CASR: variants seen among roughly 807,000 people sequenced by gnomAD.
The protein encoded by CASR is calcium sensing receptor, also known as extracellular calcium-sensing receptor.
In CASR, 23 loss-of-function variants were observed where a neutral mutation model predicts 69.1. The observed-to-expected ratio is 0.33, with a 90% CI of 0.24 to 0.47. The LOEUF (loss-of-function observed/expected upper bound fraction) is 0.47, where lower values mean the gene tolerates loss of function less well. Ranked by LOEUF, CASR falls within the 20% of genes least tolerant of loss-of-function variation. The pLI is 1.00. For synonymous variants in CASR, 541 were observed against 544.7 expected (o/e 0.99, Z 0.10); for missense variants, 924 against 1,356.1 (o/e 0.68, Z 5.00).
Position 122,289,572 on chromosome 3 carries a change from C to CT in CASR, c.*4382dup, listed in dbSNP as rs1450651024. ...AAGTGGTATGAGAAATGGAGAACTG[C>CT]TAGGTGAAGGCCAACAGGGCAGGAA... On this transcript the variant is annotated 3_prime_UTR_variant, in exon 7 of 7. Coordinates refer to ENST00000639785, the MANE Select transcript of CASR (RefSeq NM_000388.4). 6.6e-6 allele frequency: 1 copy of CT among 152,470 alleles called. No individual in the cohort carries two copies. Among genetic ancestry groups the CT allele is most frequent in the African/African-American group, 2.4e-5 (1 of 41,454 alleles). The allele number at this position is 152,470 out of a possible 1,614,324, so 9.4% of individuals were successfully genotyped here.
At chr3:122,242,422 C>T (rs1355388352) in intron 1 of CASR, among the ~76,000 whole-genome samples, 6 of 152,062 alleles carry the variant, frequency 3.9e-5, no homozygotes, top group South Asian at 4.2e-4. Context: ...AAAAAGTAGT[C>T]CCACGTATAA....
intron 1 of CASR, among the ~76,000 whole-genome samples, chr3:122,235,904 G>A (rs9838163): frequency 0.02 from 3,105 of 152,212 alleles, 106 homozygotes; most frequent in African/African-American, 0.071. Flanking sequence ...TATGAAAGAC[G>A]GTCTAGCAAT....
chr3:122,272,659 T>C (rs1028345506), intron 4 of CASR, among the ~76,000 whole-genome samples: 3 of 152,242 alleles, frequency 2.0e-5, no homozygotes, highest in Admixed American at 6.5e-5. Flanking sequence ...ATGTCGTGCA[T>C]TTTATCCCCT....
At chr3:122,269,328 T>C (rs1418904477) in intron 4 of CASR, among the ~76,000 whole-genome samples, 2 of 152,218 alleles carry the variant, frequency 1.3e-5, no homozygotes, top group African/African-American at 4.8e-5. Flanking sequence ...CATTCAGTCT[T>C]TTACCACTGA....
intron 1 of CASR, among the ~76,000 whole-genome samples, chr3:122,213,092 A>G (rs752210105): frequency 6.6e-5 from 10 of 152,240 alleles, no homozygotes; most frequent in Admixed American, 1.3e-4. Context: ...CTAGTGGGAC[A>G]TGCAGATCTC....
Position 122,270,264 on chromosome 3 carries a change from A to G in CASR, c.1378-5548A>G, listed in dbSNP as rs547968826. Among the ~76,000 whole-genome samples the G allele has an allele frequency of 6.6e-5, 10 of 152,310 alleles. No homozygotes were observed. The South Asian group carries it at 2.1e-3, about 32-fold the overall frequency. The stretch of plus-strand genomic sequence containing the variant: ...TTTGTCCACATCGTCTAATTTGCCA[A>G]ATTTACTGGCATAAGTTTATTTATA... On this transcript the variant is annotated intron_variant, in intron 4 of 6. Coordinates refer to ENST00000639785, the MANE Select transcript of CASR (RefSeq NM_000388.4).
intron 1 of CASR, among the ~76,000 whole-genome samples, chr3:122,220,346 T>C (rs2107601492): frequency 6.6e-6 from 1 of 152,342 alleles, no homozygotes; most frequent in East Asian, 1.9e-4. Flanking sequence ...TTTGGCAATT[T>C]ATCCCAACAA....
chr3:122,196,412 G>A (rs1047790317), intron 1 of CASR, among the ~76,000 whole-genome samples: 2 of 152,040 alleles, frequency 1.3e-5, no homozygotes, highest in South Asian at 2.1e-4. Context: ...GATGAAGTAA[G>A]GTGCTGGAAT....
intron 1 of CASR, among the ~76,000 whole-genome samples, chr3:122,221,587 T>C (rs1320585154): frequency 2.0e-5 from 3 of 152,228 alleles, no homozygotes; most frequent in Non-Finnish European, 1.5e-5. Context: ...CCAAACTCAG[T>C]GAATCTTTGG....
intron 1 of CASR, among the ~76,000 whole-genome samples, chr3:122,208,932 T>C (rs1229749900): frequency 6.6e-6 from 1 of 152,214 alleles, no homozygotes; most frequent in Non-Finnish European, 1.5e-5. Context: ...TGTAGTTCAC[T>C]CTCAGTCACT....
At chr3:122,215,761 T>C (rs1189720654) in intron 1 of CASR, among the ~76,000 whole-genome samples, 1 of 152,186 alleles carries the variant, frequency 6.6e-6, no homozygotes, top group Admixed American at 6.5e-5. Flanking sequence ...TGTGACAAGA[T>C]TTTGGTGCCA....
At position 122,288,612 on chromosome 3, in the gene CASR, A is replaced by G. The variant is rs1375188707; in HGVS notation, c.*3421A>G. ...CCTCTACATCTGCTTGGGAAAGTAT[A>G]AACCTCATATTCTAAGTCTTTGCTG... On this transcript the variant is annotated 3_prime_UTR_variant, in exon 7 of 7. Transcript: ENST00000639785. The G allele has an allele frequency of 6.6e-6, 1 of 152,010 alleles. No homozygotes were observed. Among genetic ancestry groups the G allele is most frequent in the Non-Finnish European group, 1.5e-5 (1 of 68,020 alleles). The allele number at this position is 152,010 out of a possible 1,614,324, so 9.4% of individuals were successfully genotyped here. A position where few individuals can be genotyped will look rare whatever the true frequency, so the allele number is the denominator to read the frequency against.
chr3:122,283,084 G>A (rs879944825), intron 6 of CASR, among the ~76,000 whole-genome samples: 2 of 152,202 alleles, frequency 1.3e-5, no homozygotes, highest in Non-Finnish European at 2.9e-5. Context: ...GGAAAGCACA[G>A]GTCATGTGCA....
intron 1 of CASR, among the ~76,000 whole-genome samples, chr3:122,224,369 A>G (rs1179800991): frequency 2.0e-5 from 3 of 152,246 alleles, no homozygotes; most frequent in Non-Finnish European, 4.4e-5. Context: ...TCAATGTACA[A>G]AATTCAGTAG....
At position 122,275,912 on chromosome 3, in the gene CASR, A is replaced by T; in HGVS notation, c.1478A>T (p.Asn493Ile). The change falls in exon 5 of 7, where the codon AAC (asparagine) becomes ATC (isoleucine). Residue 493 changes from asparagine (N) to isoleucine (I), a missense_variant. By Grantham distance (149) the Asn-to-Ile change is moderately radical. This residue lies in a region of CASR where 310 missense variants were observed against 395.7 expected (regional missense o/e 0.78). Transcript: ENST00000639785. ...CTGGTGGGGAACTATTCCATCATCA[A>T]CTGGCACCTCTCCCCAGAGGATGGC... ...GDLVGNYSII[N>I]WHLSPEDGSI... is the part of the protein sequence containing the mutation. 1 of 1,613,952 alleles carries T rather than the reference A, an allele frequency of 6.2e-7. No individual in the cohort carries two copies. The highest frequency in any genetic ancestry group is 8.5e-7 in the Non-Finnish European group (1 of 1,179,808).
intron 1 of CASR, among the ~76,000 whole-genome samples, chr3:122,250,907 T>G (rs1356253822): frequency 6.6e-6 from 1 of 152,206 alleles, no homozygotes; most frequent in Non-Finnish European, 1.5e-5. Context: ...CCCCCTGGAC[T>G]GAGAGCTCCT....
At chr3:122,242,270 A>G (rs772955510) in intron 1 of CASR, among the ~76,000 whole-genome samples, 10 of 152,150 alleles carry the variant, frequency 6.6e-5, no homozygotes, top group Admixed American at 3.3e-4. Flanking sequence ...ATGATCTTAT[A>G]TTTAGAAAAA....
chr3:122,259,343 C>G (rs1263543491), intron 3 of CASR, among the ~76,000 whole-genome samples: 1 of 152,030 alleles, frequency 6.6e-6, no homozygotes, highest in Non-Finnish European at 1.5e-5. Flanking sequence ...GATTTAGAGG[C>G]CTATTGTTTG....
At chr3:122,248,826 T>G (rs753880287) in intron 1 of CASR, among the ~76,000 whole-genome samples, 2 of 152,174 alleles carry the variant, frequency 1.3e-5, no homozygotes, top group Non-Finnish European at 2.9e-5. Flanking sequence ...GGAAGAAAAT[T>G]GAAATGTGGC....
Sources: gnomAD v4.1 joint callset for allele counts (sites outside exome capture counted in the v4.1 genomes callset) on GRCh38, gnomAD v4.1.1 for gene constraint, gnomAD v4.1.1 regional missense constraint, MANE v1.5 for transcripts, NCBI Gene and HGNC (gene_info 2026-07-23, HGNC 2026-07-21) for gene names.